Variants in CCDC68 observed in about 807,000 individuals in gnomAD.
CCDC68 encodes the protein coiled-coil domain containing 68.
In CCDC68, 45 loss-of-function variants were observed where a neutral mutation model predicts 47.1. The ratio of observed to expected loss-of-function variants is 0.96; its 90% CI spans 0.75 to 1.23. The LOEUF (loss-of-function observed/expected upper bound fraction) is 1.23, where lower values mean the gene tolerates loss of function less well. Ranked by LOEUF, CCDC68 falls within the 50% of genes most tolerant of loss-of-function variation. The probability of loss-of-function intolerance (pLI) is 0.00; values close to 1 mark genes in which losing one functional copy is unlikely to be tolerated. For synonymous variants in CCDC68, 131 were observed against 129.5 expected (o/e 1.01, Z -0.08); for missense variants, 353 against 373.6 (o/e 0.94, Z 0.45).
chr18:54,951,435 A>T (rs1475761143), intron 1 of CCDC68, among the ~76,000 whole-genome samples: 3 of 152,198 alleles, frequency 2.0e-5, no homozygotes, highest in Non-Finnish European at 2.9e-5. Context: ...AATACTTCTC[A>T]CATATGCCCT....
chr18:54,949,391 C>CT (rs1434504653), intron 1 of CCDC68, among the ~76,000 whole-genome samples: 2 of 152,134 alleles, frequency 1.3e-5, no homozygotes, highest in Non-Finnish European at 2.9e-5. Context: ...TTGATCTAAA[C>CT]TTTTTGAGGC....
chr18:54,952,753 C>T (rs1414410291), intron 1 of CCDC68, among the ~76,000 whole-genome samples: 1 of 152,192 alleles, frequency 6.6e-6, no homozygotes, highest in Non-Finnish European at 1.5e-5. Context: ...TGGCTCACAC[C>T]TGTAATCCCA....
intron 8 of CCDC68, among the ~76,000 whole-genome samples, chr18:54,921,384 A>G (rs1190933636): frequency 2.0e-5 from 3 of 152,240 alleles, no homozygotes; most frequent in Admixed American, 6.5e-5. Flanking sequence ...CTTTATTTTA[A>G]TTGGTCCAAT....
rs573663263 is a variant in CCDC68 at position 54,950,420 on chromosome 18, C to G, written c.-102-4943G>C. 2.0e-5 allele frequency among the ~76,000 whole-genome samples: 3 copies of G among 152,146 alleles called. No individual in the cohort carries two copies. The South Asian group carries it at 6.2e-4, about 32-fold the overall frequency. ...CATTACACAGCACAATGGTGACATCCAGTGTCAGCTGGCTAAATCTCAGGT... is the reference window on the plus strand; with the variant it reads ...CATTACACAGCACAATGGTGACATCGAGTGTCAGCTGGCTAAATCTCAGGT... On this transcript the variant is annotated intron_variant, in intron 1 of 11. Transcript: ENST00000591504.
Position 54,928,844 on chromosome 18 carries a change from T to C in CCDC68, c.639A>G (p.Glu213=). ...RTLLERKLSL[E]NKLLQLKSSA... ...TGGATTTGAGTTGCAGTAGCTTGTT[T>C]TCCAAAGACAGTTTTCTTTCTAGTA... Residue 213 remains glutamate (E), a synonymous_variant, in exon 8 of 12, where the codon GAA becomes GAG. Transcript: ENST00000591504. The C allele has an allele frequency of 1.2e-6, 2 of 1,612,952 alleles. No homozygotes were observed. The highest frequency in any genetic ancestry group is 1.6e-4 in the Middle Eastern group (1 of 6,062).
chr18:54,904,543 G>T, intron 11 of CCDC68, 128 bp from the exon 12 acceptor site: 1 of 721,478 alleles, frequency 1.4e-6, no homozygotes, highest in Admixed American at 2.5e-5. Context: ...TGTTCTAAGA[G>T]ATGTGTTAAT....
At chr18:54,948,345 G>A (rs560792635) in intron 1 of CCDC68, among the ~76,000 whole-genome samples, 29 of 152,240 alleles carry the variant, frequency 1.9e-4, no homozygotes, top group Admixed American at 1.3e-3. Context: ...TGCATGCCAA[G>A]GAACACCAAC....
chr18:54,917,466 A>G (rs1167605452), intron 10 of CCDC68, among the ~76,000 whole-genome samples: 1 of 152,256 alleles, frequency 6.6e-6, no homozygotes, highest in Non-Finnish European at 1.5e-5. Flanking sequence ...TACAGCAAGT[A>G]TTCTGGAAAA....
chr18:54,915,063 T>C (rs1392519139), intron 10 of CCDC68, among the ~76,000 whole-genome samples: 1 of 152,202 alleles, frequency 6.6e-6, no homozygotes, highest in African/African-American at 2.4e-5. Flanking sequence ...TAATTAGATA[T>C]GAGCAGAGCC....
intron 1 of CCDC68, among the ~76,000 whole-genome samples, chr18:54,947,169 T>C (rs918732351): frequency 2.6e-5 from 4 of 152,208 alleles, no homozygotes; most frequent in African/African-American, 9.6e-5. Flanking sequence ...ATTAAGGGGA[T>C]AAAATTTTCA....
intron 4 of CCDC68, 55 bp from the exon 5 acceptor site, chr18:54,938,152 T>G: frequency 6.5e-7 from 1 of 1,544,870 alleles, no homozygotes; most frequent in Non-Finnish European, 8.7e-7. Flanking sequence ...CTACAAACTT[T>G]GACAACAATA....
chr18:54,926,071 T>C (rs1000664047), intron 8 of CCDC68, among the ~76,000 whole-genome samples: 1 of 152,238 alleles, frequency 6.6e-6, no homozygotes, highest in Non-Finnish European at 1.5e-5. Flanking sequence ...TGCTTTGACA[T>C]GCAACCTCAG....
chr18:54,929,498 A>G (rs1448380937), intron 7 of CCDC68, among the ~76,000 whole-genome samples: 2 of 152,228 alleles, frequency 1.3e-5, no homozygotes, highest in Non-Finnish European at 1.5e-5. Flanking sequence ...ATCCAAAAGG[A>G]AAACAGACAA....
At chr18:54,911,442 C>G (rs1428213750) in intron 10 of CCDC68, among the ~76,000 whole-genome samples, 1 of 152,162 alleles carries the variant, frequency 6.6e-6, no homozygotes, top group African/African-American at 2.4e-5. Context: ...TAGCTCCCAG[C>G]ATTTATCATG....
intron 1 of CCDC68, among the ~76,000 whole-genome samples, chr18:54,957,705 C>T (rs968967194): frequency 4.0e-5 from 6 of 151,314 alleles, no homozygotes; most frequent in African/African-American, 1.5e-4. Flanking sequence ...TAGTAAATGA[C>T]ATTCATTTAA....
intron 1 of CCDC68, among the ~76,000 whole-genome samples, chr18:54,955,108 G>C (rs1013042088): frequency 2.6e-5 from 4 of 152,140 alleles, no homozygotes; most frequent in Non-Finnish European, 4.4e-5. Flanking sequence ...ATTGCTTAAG[G>C]CTGGGAATTG....
At chr18:54,948,254 C>A (rs1445337967) in intron 1 of CCDC68, among the ~76,000 whole-genome samples, 3 of 152,108 alleles carry the variant, frequency 2.0e-5, no homozygotes, top group African/African-American at 7.2e-5. Flanking sequence ...GACTGATATC[C>A]TTATGAAAAG....
Position 54,904,322 on chromosome 18 carries a change from C to G in CCDC68, c.*36G>C. 6.7e-7 allele frequency: 1 copy of G among 1,498,472 alleles called. No individual in the cohort carries two copies. The highest frequency in any genetic ancestry group is 9.3e-7 in the Non-Finnish European group (1 of 1,075,684). The allele number at this position is 1,498,472 out of a possible 1,614,324, so 92.8% of individuals were successfully genotyped here. A position where few individuals can be genotyped will look rare whatever the true frequency, so the allele number is the denominator to read the frequency against. On this transcript the variant is annotated 3_prime_UTR_variant, in exon 12 of 12. Transcript: ENST00000591504. Reference sequence around the variant, plus strand: ...TGTTTCAGAGAATAAATAAGACTCACGCAGTCTTTCTAAATCAGATCTTCA... The same window carrying G: ...TGTTTCAGAGAATAAATAAGACTCAGGCAGTCTTTCTAAATCAGATCTTCA...
chr18:54,926,930 C>A (rs2044155144), intron 8 of CCDC68, among the ~76,000 whole-genome samples: 1 of 152,196 alleles, frequency 6.6e-6, no homozygotes, highest in African/African-American at 2.4e-5. Context: ...AACTGCAAAG[C>A]ATTTTACCTG....
Sources: gnomAD v4.1 joint callset for allele counts (sites outside exome capture counted in the v4.1 genomes callset) on GRCh38, gnomAD v4.1.1 for gene constraint, MANE v1.5 for transcripts, NCBI Gene and HGNC (gene_info 2026-07-23, HGNC 2026-07-21) for gene names.